RBFOX1: variants seen among roughly 807,000 people sequenced by gnomAD.
RBFOX1 encodes the protein RNA binding protein fox-1 homolog 1.
Under a neutral mutation model 57.7 loss-of-function variants are expected in RBFOX1, and 8 were observed. The observed-to-expected ratio is 0.14, with a 90% CI of 0.08 to 0.25. RBFOX1 has a LOEUF of 0.25. Ranked by LOEUF, RBFOX1 falls within the 10% of genes least tolerant of loss-of-function variation. RBFOX1 has a pLI of 1.00. For synonymous variants in RBFOX1, 326 were observed against 222.4 expected, an observed-to-expected ratio of 1.47 and a Z score of -4.15; for missense variants, 611 against 548.5, an observed-to-expected ratio of 1.11 and a Z score of -1.14.
intron 1 of RBFOX1, among the ~76,000 whole-genome samples, chr16:6,154,717 A>T (rs1476035060): frequency 6.6e-6 from 1 of 152,234 alleles, no homozygotes; most frequent in Admixed American, 6.5e-5. Context: ...CAAAGAAAAT[A>T]TTAGTTAATG....
intron 11 of RBFOX1, among the ~76,000 whole-genome samples, chr16:7,633,262 C>T (rs772162061): frequency 6.6e-6 from 1 of 152,134 alleles, no homozygotes; most frequent in Non-Finnish European, 1.5e-5. Flanking sequence ...ATTAAAAATA[C>T]AAAGTGGCAA....
At chr16:6,912,057 G>T (rs2071761521) in intron 3 of RBFOX1, among the ~76,000 whole-genome samples, 1 of 152,150 alleles carries the variant, frequency 6.6e-6, no homozygotes, top group Admixed American at 6.5e-5. Flanking sequence ...TGAGAGAGAA[G>T]TTTTCTTCCT....
Position 6,912,417 on chromosome 16 carries a change from A to T in RBFOX1, c.-15-139640A>T, listed in dbSNP as rs1007315500. 2.6e-5 allele frequency among the ~76,000 whole-genome samples: 4 copies of T among 152,032 alleles called. No homozygotes were observed. In the East Asian group the frequency reaches 7.7e-4, roughly 29 times the overall value. On this transcript the variant is annotated intron_variant, in intron 3 of 15. Transcript: ENST00000550418. ...TGCGAACCACGGGGCTACTGAAATG[A>T]GGTGTCTGTTCTCTGTGAGTAAAGA...
intron 2 of RBFOX1, among the ~76,000 whole-genome samples, chr16:6,488,491 C>T (rs2095555132): frequency 6.6e-6 from 1 of 152,134 alleles, no homozygotes; most frequent in African/African-American, 2.4e-5. Flanking sequence ...TTTCTCTGTT[C>T]TTACAACTCT....
chr16:7,220,167 C>T (rs908807792), intron 4 of RBFOX1, among the ~76,000 whole-genome samples: 22 of 152,164 alleles, frequency 1.4e-4, no homozygotes, highest in African/African-American at 3.6e-4. Context: ...CGACAACCAT[C>T]ATGACAAAAG....
At chr16:6,800,524 C>T (rs1343186231) in intron 3 of RBFOX1, among the ~76,000 whole-genome samples, 2 of 152,006 alleles carry the variant, frequency 1.3e-5, no homozygotes. Context: ...GATTCAAAAG[C>T]CGCCCTTCCG....
At chr16:5,966,993 G>T (rs1019385488) in intron 4 of RBFOX1, among the ~76,000 whole-genome samples, 1 of 118,926 alleles carries the variant, frequency 8.4e-6, no homozygotes, top group Non-Finnish European at 1.7e-5. Context: ...CACTAAATCG[G>T]GGGGGGGGGG....
intron 4 of RBFOX1, among the ~76,000 whole-genome samples, chr16:7,139,698 G>C (rs1421114407): frequency 6.6e-6 from 1 of 152,158 alleles, no homozygotes; most frequent in Non-Finnish European, 1.5e-5. Flanking sequence ...AGAATGTTGG[G>C]TTGGTGAATA....
chr16:6,604,480 T>G (rs1601258539), intron 2 of RBFOX1, among the ~76,000 whole-genome samples: 1 of 152,148 alleles, frequency 6.6e-6, no homozygotes, highest in East Asian at 1.9e-4. Context: ...ATCTGTAATT[T>G]TTAGTGGCAC....
chr16:6,470,224 C>G (rs1168315039), intron 2 of RBFOX1, among the ~76,000 whole-genome samples: 1 of 152,160 alleles, frequency 6.6e-6, no homozygotes, highest in East Asian at 1.9e-4. Context: ...TATGTCCTGT[C>G]TGGATAGGTG....
In RBFOX1 at chr16:5,871,530, T is replaced by C. The variant is rs183858583; in HGVS notation, c.351+4195T>C. On this transcript the variant is annotated intron_variant, in intron 4 of 19. Coordinates refer to the RBFOX1 transcript ENST00000641259. ...TTTTATCGCAAAAACGCATACACAT[T>C]TCCCCCCTATTTATCGTCACGCAGC... Among the ~76,000 whole-genome samples the C allele has an allele frequency of 4.7e-4, 72 of 152,290 alleles. 1 individual carries two copies. Among genetic ancestry groups the C allele is most frequent in the African/African-American group, 1.7e-3 (70 of 41,560 alleles).
intron 2 of RBFOX1, among the ~76,000 whole-genome samples, chr16:6,358,444 G>A (rs1327484770): frequency 6.6e-6 from 1 of 152,156 alleles, no homozygotes; most frequent in Non-Finnish European, 1.5e-5. Context: ...CAACATAATT[G>A]TCATTGAGAG....
At chr16:5,761,421 C>A (rs926314294) in intron 3 of RBFOX1, among the ~76,000 whole-genome samples, 1 of 152,258 alleles carries the variant, frequency 6.6e-6, no homozygotes, top group South Asian at 2.1e-4. Flanking sequence ...TCTCTTTCTG[C>A]TAATAAAGAC....
At chr16:6,364,936 C>T (rs544982788) in intron 2 of RBFOX1, among the ~76,000 whole-genome samples, 3 of 151,998 alleles carry the variant, frequency 2.0e-5, no homozygotes, top group South Asian at 2.1e-4. Context: ...CAATTCAGAG[C>T]GCCCTACTTC....
chr16:5,625,904 T>C (rs1055913956), intron 3 of RBFOX1, among the ~76,000 whole-genome samples: 1 of 151,268 alleles, frequency 6.6e-6, no homozygotes, highest in African/African-American at 2.4e-5. Context: ...GAGATGGAGT[T>C]TCACTCTTGT....
At chr16:7,413,925 A>C (rs1045401397) in intron 4 of RBFOX1, among the ~76,000 whole-genome samples, 6 of 152,246 alleles carry the variant, frequency 3.9e-5, no homozygotes, top group South Asian at 2.1e-4. Flanking sequence ...AGCCTGGCAC[A>C]TTGTAACAGC....
chr16:7,409,137 C>G (rs543932353), intron 4 of RBFOX1, among the ~76,000 whole-genome samples: 1 of 152,196 alleles, frequency 6.6e-6, no homozygotes, highest in Non-Finnish European at 1.5e-5. Context: ...CAGAATCCGG[C>G]CTGTGATCAG....
At chr16:6,708,863 A>C (rs893374879) in intron 3 of RBFOX1, among the ~76,000 whole-genome samples, 1 of 152,164 alleles carries the variant, frequency 6.6e-6, no homozygotes, top group Non-Finnish European at 1.5e-5. Flanking sequence ...TATTTCAGGC[A>C]CCAGAAGTTT....
intron 3 of RBFOX1, among the ~76,000 whole-genome samples, chr16:5,761,956 T>C (rs1374987955): frequency 6.6e-6 from 1 of 152,102 alleles, no homozygotes; most frequent in Non-Finnish European, 1.5e-5. Flanking sequence ...GGGAATGAGC[T>C]TCATGGCAGA....
Sources: gnomAD v4.1 joint callset for allele counts (sites outside exome capture counted in the v4.1 genomes callset) on GRCh38, gnomAD v4.1.1 for gene constraint, MANE v1.5 for transcripts, NCBI Gene and HGNC (gene_info 2026-07-23, HGNC 2026-07-21) for gene names.